Variants in NFIB observed in about 807,000 individuals in gnomAD.
NFIB encodes the protein nuclear factor 1 B-type.
A neutral mutation model predicts 61.5 loss-of-function variants in NFIB; 11 were observed. That is an observed-to-expected ratio of 0.18 (90% CI 0.11 to 0.30). The LOEUF (loss-of-function observed/expected upper bound fraction) is 0.30, where lower values mean the gene tolerates loss of function less well. Ranked by LOEUF, NFIB falls within the 10% of genes least tolerant of loss-of-function variation. NFIB has a pLI of 1.00. For missense variants in NFIB, 471 were observed against 608.9 expected, an observed-to-expected ratio of 0.77 and a Z score of 2.38; for synonymous variants, 260 against 216.5, an observed-to-expected ratio of 1.20 and a Z score of -1.76.
At chr9:14,116,920 G>A (rs1472169132) in intron 8 of NFIB, among the ~76,000 whole-genome samples, 1 of 152,078 alleles carries the variant, frequency 6.6e-6, no homozygotes, top group African/African-American at 2.4e-5. Context: ...TTACACACAG[G>A]TGTGCTGAGA....
intron 1 of NFIB, chr9:14,362,298 C>G (rs574088102): frequency 1.3e-5 from 2 of 152,214 alleles, no homozygotes; most frequent in Non-Finnish European, 2.9e-5. Context: ...AACCATTCTG[C>G]CTTGGACCCA....
intron 2 of NFIB, among the ~76,000 whole-genome samples, chr9:14,218,328 C>T (rs1332909699): frequency 6.6e-6 from 1 of 152,150 alleles, no homozygotes; most frequent in Non-Finnish European, 1.5e-5. Context: ...ATAACAACCT[C>T]AAAACCTTGT....
intron 10 of NFIB, among the ~76,000 whole-genome samples, chr9:14,108,206 A>T (rs988475737): frequency 1.1e-4 from 16 of 152,104 alleles, no homozygotes; most frequent in African/African-American, 3.9e-4. Context: ...GTCAATTATG[A>T]TAACAGACAC....
intron 1 of NFIB, among the ~76,000 whole-genome samples, chr9:14,385,980 G>T (rs533233792): frequency 6.6e-6 from 1 of 151,740 alleles, no homozygotes; most frequent in Non-Finnish European, 1.5e-5. Flanking sequence ...ACAGGGTTTC[G>T]CCATGTTTTC....
Position 14,313,363 on chromosome 9 carries a change from C to G in NFIB, c.30+119G>C. 6.9e-7 allele frequency: 1 copy of G among 1,446,406 alleles called. No individual in the cohort carries two copies. 89.6% of individuals were successfully genotyped at this position (1,446,406 alleles called of 1,614,324 possible). On this transcript the variant is annotated intron_variant, in intron 1 of 10. Transcript: ENST00000380953. This position sits in a 1 kb window ranked among gnomAD's most constrained non-coding sequence, Gnocchi z 4.5. ...CGACGCCCGCTGCAACTCCGGGCCA[C>G]TTCTCCAAGGGACGGGGATGTGCGG...
intron 1 of NFIB, among the ~76,000 whole-genome samples, chr9:14,378,779 A>G (rs1286968190): frequency 6.6e-6 from 1 of 152,244 alleles, no homozygotes; most frequent in Non-Finnish European, 1.5e-5. Flanking sequence ...AGGTAAGCAT[A>G]GGACCGTGAT....
At chr9:14,236,281 T>C (rs2053737532) in intron 2 of NFIB, among the ~76,000 whole-genome samples, 1 of 152,248 alleles carries the variant, frequency 6.6e-6, no homozygotes. Flanking sequence ...AAATAGAAGC[T>C]TCTAACTTCT....
chr9:14,276,166 T>G (rs536763073), intron 2 of NFIB, among the ~76,000 whole-genome samples: 1 of 152,182 alleles, frequency 6.6e-6, no homozygotes, highest in African/African-American at 2.4e-5. Flanking sequence ...AAGCACAAAT[T>G]TTCTTTGGAC....
At chr9:14,182,522 G>C (rs114773872) in intron 2 of NFIB, among the ~76,000 whole-genome samples, 162 of 152,264 alleles carry the variant, frequency 1.1e-3, no homozygotes, top group African/African-American at 3.4e-3. Flanking sequence ...GGGAGTCGTG[G>C]TTGGCAGAGA....
At chr9:14,338,709 C>G (rs989736604) in intron 1 of NFIB, among the ~76,000 whole-genome samples, 1 of 151,364 alleles carries the variant, frequency 6.6e-6, no homozygotes, top group African/African-American at 2.5e-5. Flanking sequence ...AGGGTTTTCT[C>G]TTCTTTTCTT....
intron 2 of NFIB, among the ~76,000 whole-genome samples, chr9:14,266,019 G>A (rs2057170389): frequency 6.6e-6 from 1 of 152,168 alleles, no homozygotes; most frequent in Non-Finnish European, 1.5e-5. Context: ...GGCAAAGGGA[G>A]AGGATGTTTG....
At chr9:14,139,201 G>C (rs1193865371) in intron 6 of NFIB, among the ~76,000 whole-genome samples, 1 of 152,108 alleles carries the variant, frequency 6.6e-6, no homozygotes, top group African/African-American at 2.4e-5. Flanking sequence ...TCATTAGTTG[G>C]GACAGGACAG....
At chr9:14,432,723 A>G in the NFIB span, among the ~76,000 whole-genome samples, 1 of 152,202 alleles carries the variant, frequency 6.6e-6, no homozygotes, top group African/African-American at 2.4e-5. Context: ...AATTTGCCAT[A>G]TTTAGGAAGA....
the NFIB span, among the ~76,000 whole-genome samples, chr9:14,415,433 A>C: frequency 6.6e-6 from 1 of 152,228 alleles, no homozygotes; most frequent in African/African-American, 2.4e-5. Context: ...TCACCTTTAC[A>C]ATATTCTATC....
At chr9:14,108,621 C>T (rs2118961004) in intron 10 of NFIB, among the ~76,000 whole-genome samples, 2 of 152,106 alleles carry the variant, frequency 1.3e-5, no homozygotes, top group East Asian at 1.9e-4. Context: ...AGCCCAAGCA[C>T]CAATAAAATC....
At chr9:14,302,684 A>G (rs1404572893) in intron 2 of NFIB, among the ~76,000 whole-genome samples, 1 of 151,920 alleles carries the variant, frequency 6.6e-6, no homozygotes, top group East Asian at 1.9e-4. Context: ...GTGTGTTGTG[A>G]CCTCTCTCTT....
At position 14,228,338 on chromosome 9, in the gene NFIB, G is replaced by C. The variant is rs1017076270; in HGVS notation, c.563-48558C>G. ...GCCTCTCGAGTAGCTGGGATTACAG[G>C]AGCACACCACCACGCCTGGCTAATT... On this transcript the variant is annotated intron_variant, in intron 2 of 10. Coordinates refer to ENST00000380953, the MANE Select transcript of NFIB (RefSeq NM_001190737.2). Among the ~76,000 whole-genome samples, 87 of 151,792 alleles carry C rather than the reference G, an allele frequency of 5.7e-4. 2 individuals are homozygous for C. Among genetic ancestry groups the C allele is most frequent in the Admixed American group, 5.7e-3 (87 of 15,206 alleles).
At chr9:14,439,846 G>A in the NFIB span, among the ~76,000 whole-genome samples, 1 of 152,238 alleles carries the variant, frequency 6.6e-6, no homozygotes, top group Non-Finnish European at 1.5e-5. Flanking sequence ...CACCCCCGAG[G>A]CGGAAGCCGT....
At chr9:14,177,389 T>C (rs1292394163) in intron 3 of NFIB, among the ~76,000 whole-genome samples, 2 of 152,180 alleles carry the variant, frequency 1.3e-5, no homozygotes, top group Admixed American at 6.5e-5. Flanking sequence ...GAAAACATTT[T>C]ATATTCTAGG....
Sources: gnomAD v4.1 joint callset for allele counts (sites outside exome capture counted in the v4.1 genomes callset) on GRCh38, gnomAD v4.1.1 for gene constraint, Gnocchi (gnomAD v3.1) non-coding constraint, MANE v1.5 for transcripts, NCBI Gene and HGNC (gene_info 2026-07-23, HGNC 2026-07-21) for gene names.